Variants in AFTPH observed in about 807,000 individuals in gnomAD.
AFTPH encodes the protein aftiphilin protein.
In AFTPH, 7 loss-of-function variants were observed where a neutral mutation model predicts 72.5. The observed-to-expected ratio is 0.10, with a 90% confidence interval of 0.05 to 0.18. The LOEUF (loss-of-function observed/expected upper bound fraction) is 0.18, where lower values mean the gene tolerates loss of function less well. Ranked by LOEUF, AFTPH falls within the 10% of genes least tolerant of loss-of-function variation. AFTPH has a pLI of 1.00. For missense variants in AFTPH, 979 were observed against 1,060.5 expected (o/e 0.92, Z 1.07); for synonymous variants, 337 against 370.1 (o/e 0.91, Z 1.03).
chr2:64,581,981 A>C (rs1031818081), intron 7 of AFTPH, among the ~76,000 whole-genome samples: 1 of 152,264 alleles, frequency 6.6e-6, no homozygotes, highest in African/African-American at 2.4e-5. Context: ...AGTTCAGTTC[A>C]TTGACCAAAG....
intron 1 of AFTPH, among the ~76,000 whole-genome samples, chr2:64,530,481 AAGT>A (rs1294212861): frequency 6.6e-6 from 1 of 152,212 alleles, no homozygotes; most frequent in Non-Finnish European, 1.5e-5. Flanking sequence ...TGTGGAAAAA[AAGT>A]AGAAAGAAAA....
At chr2:64,533,441 T>TA (rs1669735035) in intron 1 of AFTPH, among the ~76,000 whole-genome samples, 1 of 152,126 alleles carries the variant, frequency 6.6e-6, no homozygotes, top group Non-Finnish European at 1.5e-5. Context: ...AAGGAAAACT[T>TA]ACATAATTAT....
At chr2:64,592,069 C>G (rs1290061286) in exon 9 of AFTPH, 1 of 1,573,492 alleles carries the variant, frequency 6.4e-7, no homozygotes. Context: ...ATTGCTTTTC[C>G]TTTTTTCCAT....
intron 2 of AFTPH, among the ~76,000 whole-genome samples, chr2:64,554,088 G>A (rs1185068801): frequency 6.6e-6 from 1 of 152,174 alleles, no homozygotes; most frequent in Non-Finnish European, 1.5e-5. Context: ...TTCACTTATT[G>A]TAGTTGTATT....
chr2:64,527,372 G>C (rs923104485), intron 1 of AFTPH, among the ~76,000 whole-genome samples: 3 of 152,126 alleles, frequency 2.0e-5, no homozygotes, highest in Admixed American at 1.3e-4. Flanking sequence ...CCTGAGGTCG[G>C]GAGTTCAAAA....
At chr2:64,537,516 A>G (rs572048128) in intron 1 of AFTPH, among the ~76,000 whole-genome samples, 123 of 152,284 alleles carry the variant, frequency 8.1e-4, no homozygotes, top group Middle Eastern at 3.4e-3. Context: ...GCCAATATAT[A>G]CTCCTACCAA....
At chr2:64,590,316 A>G (rs1179078385) in intron 8 of AFTPH, among the ~76,000 whole-genome samples, 1 of 152,122 alleles carries the variant, frequency 6.6e-6, no homozygotes, top group Non-Finnish European at 1.5e-5. Context: ...TGTGTTCTCT[A>G]TCTCCCTATT....
At chr2:64,557,738 A>G (rs750225093) in intron 2 of AFTPH, among the ~76,000 whole-genome samples, 1 of 152,252 alleles carries the variant, frequency 6.6e-6, no homozygotes, top group African/African-American at 2.4e-5. Context: ...ACACTGGAAC[A>G]TACAACTGAA....
At chr2:64,573,873 G>A (rs189970302) in intron 6 of AFTPH, among the ~76,000 whole-genome samples, 6 of 152,244 alleles carry the variant, frequency 3.9e-5, no homozygotes, top group African/African-American at 1.4e-4. Flanking sequence ...GGCCAGGCTG[G>A]TATTGAACTT....
intron 1 of AFTPH, among the ~76,000 whole-genome samples, chr2:64,544,357 T>A (rs1048165637): frequency 1.3e-5 from 2 of 152,192 alleles, no homozygotes; most frequent in Non-Finnish European, 2.9e-5. Flanking sequence ...ATTATTTATT[T>A]GCTCCCCTCT....
At chr2:64,532,720 G>C (rs1258543729) in intron 1 of AFTPH, among the ~76,000 whole-genome samples, 1 of 152,152 alleles carries the variant, frequency 6.6e-6, no homozygotes, top group African/African-American at 2.4e-5. Flanking sequence ...GCAGGGAACT[G>C]GCTTGGCTAG....
intron 1 of AFTPH, among the ~76,000 whole-genome samples, chr2:64,544,724 G>A (rs1000156790): frequency 6.6e-6 from 1 of 151,014 alleles, no homozygotes; most frequent in Non-Finnish European, 1.5e-5. Flanking sequence ...TTTAAGTAGA[G>A]TTGGCCTAGA....
chr2:64,559,601 A>G (rs1671594180), intron 2 of AFTPH, among the ~76,000 whole-genome samples: 3 of 152,204 alleles, frequency 2.0e-5, no homozygotes, highest in African/African-American at 2.4e-5. Context: ...GATGAGGCCT[A>G]CCCACATTAG....
chr2:64,541,103 C>A (rs11896958), intron 1 of AFTPH, among the ~76,000 whole-genome samples: 7,239 of 152,136 alleles, frequency 0.048, 396 homozygotes, highest in African/African-American at 0.13. Flanking sequence ...GCTTTTATTT[C>A]TTCATCTTTA....
chr2:64,578,507 G>A (rs1284168794), intron 6 of AFTPH, among the ~76,000 whole-genome samples: 1 of 151,406 alleles, frequency 6.6e-6, no homozygotes, highest in Non-Finnish European at 1.5e-5. Flanking sequence ...TTTACCATTT[G>A]CTTATTTTAT....
At chr2:64,575,433 C>G (rs1672704550) in intron 6 of AFTPH, among the ~76,000 whole-genome samples, 1 of 152,002 alleles carries the variant, frequency 6.6e-6, no homozygotes, top group Non-Finnish European at 1.5e-5. Flanking sequence ...CGAGACCAGC[C>G]TAACCAACGT....
chr2:64,587,554 A>C (rs1306956851), intron 8 of AFTPH, among the ~76,000 whole-genome samples: 1 of 152,246 alleles, frequency 6.6e-6, no homozygotes, highest in African/African-American at 2.4e-5. Context: ...GCTCAGCAAA[A>C]TCTTCTTGGC....
chr2:64,539,731 C>T (rs1670108183), intron 1 of AFTPH, among the ~76,000 whole-genome samples: 2 of 152,128 alleles, frequency 1.3e-5, no homozygotes, highest in Admixed American at 6.5e-5. Flanking sequence ...TATGCCTACA[C>T]AACATTTACA....
At chr2:64,548,731 A>T (rs570671281) in intron 1 of AFTPH, among the ~76,000 whole-genome samples, 1 of 152,200 alleles carries the variant, frequency 6.6e-6, no homozygotes, top group African/African-American at 2.4e-5. Context: ...TACCTCGTAC[A>T]CTAATTAGAA....
Sources: allele counts gnomAD v4.1 joint callset (sites outside exome capture counted in the v4.1 genomes callset), GRCh38; gene constraint gnomAD v4.1.1; transcripts MANE v1.5; gene names NCBI Gene and HGNC (gene_info 2026-07-23, HGNC 2026-07-21).